Variants in PACRG observed in about 807,000 individuals in gnomAD.
PACRG encodes parkin coregulated gene protein.
A neutral mutation model predicts 29.7 loss-of-function variants in PACRG; 29 were observed. The ratio of observed to expected loss-of-function variants is 0.98; its 90% CI spans 0.73 to 1.33. The LOEUF (loss-of-function observed/expected upper bound fraction) is 1.33. Ranked by LOEUF, PACRG falls within the 40% of genes most tolerant of loss-of-function variation. The pLI is 0.00. For synonymous variants in PACRG, 116 were observed against 118.7 expected, an observed-to-expected ratio of 0.98 and a Z score of 0.15; for missense variants, 279 against 316.2, an observed-to-expected ratio of 0.88 and a Z score of 0.89.
chr6:163,134,758 A>G (rs957734932), intron 4 of PACRG, among the ~76,000 whole-genome samples: 1 of 152,174 alleles, frequency 6.6e-6, no homozygotes, highest in Admixed American at 6.5e-5. Flanking sequence ...CTACTAATGG[A>G]CTAATATATG....
chr6:162,787,755 C>CAATTTAGAAGG (rs1784623513), intron 1 of PACRG, among the ~76,000 whole-genome samples: 1 of 150,996 alleles, frequency 6.6e-6, no homozygotes, highest in African/African-American at 2.4e-5. Flanking sequence ...CAGAAAACAC[C>CAATTTAGAAGG]AATTTAGAAG....
intron 2 of PACRG, among the ~76,000 whole-genome samples, chr6:162,914,897 C>T (rs916109816): frequency 6.6e-6 from 1 of 151,938 alleles, no homozygotes; most frequent in African/African-American, 2.4e-5. Flanking sequence ...AATCTTGCAT[C>T]TTGCAGATTA....
intron 2 of PACRG, among the ~76,000 whole-genome samples, chr6:162,819,293 T>C (rs1366871298): frequency 6.6e-6 from 1 of 152,220 alleles, no homozygotes; most frequent in Non-Finnish European, 1.5e-5. Context: ...TAGGTTAATA[T>C]AGTAATTTTA....
intron 4 of PACRG, chr6:163,190,158 G>A (rs904300708): frequency 6.6e-6 from 1 of 152,192 alleles, no homozygotes; most frequent in Non-Finnish European, 1.5e-5. Flanking sequence ...CTAACAGGAA[G>A]GTCTGAATCT....
At chr6:162,852,019 G>GGAAGGAAC (rs1439732616) in intron 2 of PACRG, among the ~76,000 whole-genome samples, 1 of 147,550 alleles carries the variant, frequency 6.8e-6, no homozygotes, top group Non-Finnish European at 1.5e-5. Flanking sequence ...AAGGAAGGAA[G>GGAAGGAAC]GAAGGAAGGA....
chr6:163,037,855 G>A (rs1041961514), intron 2 of PACRG, among the ~76,000 whole-genome samples: 15 of 152,290 alleles, frequency 9.8e-5, no homozygotes, highest in Middle Eastern at 3.4e-3. Context: ...CTGTCTGGGA[G>A]GCACTCCCTC....
intron 2 of PACRG, among the ~76,000 whole-genome samples, chr6:162,866,967 TCA>T (rs1423235302): frequency 6.6e-6 from 1 of 152,196 alleles, no homozygotes; most frequent in African/African-American, 2.4e-5. Context: ...GTTCTTTGTC[TCA>T]GAGTTTGTCC....
chr6:163,285,262 G>T (rs1249341706), intron 4 of PACRG, among the ~76,000 whole-genome samples: 2 of 151,538 alleles, frequency 1.3e-5, no homozygotes, highest in Admixed American at 6.6e-5. Flanking sequence ...GGGCCTTTGC[G>T]CAAACCCTTC....
chr6:162,789,319 A>G (rs1384005363), intron 1 of PACRG, among the ~76,000 whole-genome samples: 1 of 152,196 alleles, frequency 6.6e-6, no homozygotes, highest in Non-Finnish European at 1.5e-5. Flanking sequence ...TCTATCAAAC[A>G]GTTGTGAGTC....
intron 4 of PACRG, among the ~76,000 whole-genome samples, chr6:163,207,908 A>C (rs1292017543): frequency 6.6e-6 from 1 of 152,238 alleles, no homozygotes; most frequent in Non-Finnish European, 1.5e-5. Flanking sequence ...TGTCTTAGAA[A>C]GAAAGGCAAG....
At chr6:163,063,954 CT>C (rs1423655922) in intron 3 of PACRG, among the ~76,000 whole-genome samples, 1 of 152,154 alleles carries the variant, frequency 6.6e-6, no homozygotes, top group Non-Finnish European at 1.5e-5. Flanking sequence ...TTAAATTCTA[CT>C]TGAACTGCTA....
chr6:162,921,979 G>A (rs1436620085), intron 2 of PACRG, among the ~76,000 whole-genome samples: 1 of 152,002 alleles, frequency 6.6e-6, no homozygotes, highest in Non-Finnish European at 1.5e-5. Context: ...GAAGTTCGCC[G>A]CTGTCTTAAG....
chr6:163,265,488 G>C (rs1169940739), intron 4 of PACRG, among the ~76,000 whole-genome samples: 1 of 152,120 alleles, frequency 6.6e-6, no homozygotes, highest in African/African-American at 2.4e-5. Context: ...AATGAAGTGA[G>C]GATAATATTA....
At position 163,238,725 on chromosome 6, in the gene PACRG, T is replaced by C. The variant is rs112366895; in HGVS notation, c.614-76102T>C. Among the ~76,000 whole-genome samples, 1,060 of 152,352 alleles carry C rather than the reference T, an allele frequency of 7.0e-3. 15 individuals carry two copies. Among genetic ancestry groups the C allele is most frequent in the South Asian group, 0.049 (237 of 4,822 alleles). ...TTCTTAGACTTTGAATAACTCTTCT[T>C]TGAGTTCTATTAACATTCATCTTTA... On this transcript the variant is annotated intron_variant, in intron 4 of 4. Transcript: ENST00000366888.
intron 2 of PACRG, among the ~76,000 whole-genome samples, chr6:163,024,683 T>C (rs1806953975): frequency 6.6e-6 from 1 of 151,948 alleles, no homozygotes; most frequent in Non-Finnish European, 1.5e-5. Context: ...TTTTACAATA[T>C]TGATTCCTCC....
At chr6:163,014,236 T>TCTTTATCCAA in intron 2 of PACRG, among the ~76,000 whole-genome samples, 1 of 152,342 alleles carries the variant, frequency 6.6e-6, no homozygotes, top group African/African-American at 2.4e-5. Flanking sequence ...TGTACCACAT[T>TCTTTATCCAA]TTCTTTATCC....
chr6:162,804,136 T>C (rs1786113423), intron 1 of PACRG, among the ~76,000 whole-genome samples: 2 of 152,106 alleles, frequency 1.3e-5, no homozygotes, highest in African/African-American at 4.8e-5. Flanking sequence ...TTTTGAAAAG[T>C]TTAAAGGGAA....
intron 4 of PACRG, among the ~76,000 whole-genome samples, chr6:163,255,981 T>G (rs1307897228): frequency 1.3e-5 from 2 of 152,196 alleles, no homozygotes; most frequent in African/African-American, 4.8e-5. Context: ...TACAAAATTT[T>G]TAAACAGCAG....
intron 1 of PACRG, among the ~76,000 whole-genome samples, chr6:162,778,833 G>A (rs1205838118): frequency 6.6e-6 from 1 of 152,204 alleles, no homozygotes; most frequent in African/African-American, 2.4e-5. Context: ...CGAGCCTAGC[G>A]GGGTTGACCC....
Sources: gnomAD v4.1 joint callset for allele counts (sites outside exome capture counted in the v4.1 genomes callset) on GRCh38, gnomAD v4.1.1 for gene constraint, MANE v1.5 for transcripts, NCBI Gene and HGNC (gene_info 2026-07-23, HGNC 2026-07-21) for gene names.